SPIN1: variants seen among roughly 807,000 people sequenced by gnomAD.
SPIN1 encodes the protein spindlin 1.
In SPIN1, 3 loss-of-function variants were observed where a neutral mutation model predicts 26.0. The observed-to-expected ratio is 0.12, with a 90% CI of 0.05 to 0.30. The LOEUF (loss-of-function observed/expected upper bound fraction) is 0.30, where lower values mean the gene tolerates loss of function less well. Among genes scored for constraint, SPIN1 ranks in the 10% least tolerant of loss-of-function variants. The pLI is 1.00. For missense variants in SPIN1, 126 were observed against 333.4 expected (o/e 0.38, Z 4.84); for synonymous variants, 101 against 116.5 (o/e 0.87, Z 0.86).
intron 5 of SPIN1, among the ~76,000 whole-genome samples, chr9:88,469,871 T>A (rs1030636063): frequency 6.6e-6 from 1 of 152,244 alleles, no homozygotes; most frequent in African/African-American, 2.4e-5. Context: ...TGTGCATTTC[T>A]GTACTTTTTA....
At chr9:88,406,094 C>T (rs1334695612) in intron 1 of SPIN1, among the ~76,000 whole-genome samples, 1 of 151,428 alleles carries the variant, frequency 6.6e-6, no homozygotes, top group South Asian at 2.1e-4. Context: ...TGGTCTCCAA[C>T]CCTTGGACTC....
chr9:88,445,768 A>G (rs557663955), intron 2 of SPIN1, among the ~76,000 whole-genome samples: 10 of 151,490 alleles, frequency 6.6e-5, no homozygotes, highest in Non-Finnish European at 1.3e-4. Context: ...TAAAATCCTG[A>G]CCTCAAATCA....
intron 1 of SPIN1, among the ~76,000 whole-genome samples, chr9:88,393,131 G>GT (rs1163986874): frequency 8.4e-6 from 1 of 118,998 alleles, no homozygotes; most frequent in African/African-American, 4.1e-5. Context: ...TGTTAAATGT[G>GT]CTTTTTTTTT....
intron 2 of SPIN1, among the ~76,000 whole-genome samples, chr9:88,443,659 C>T (rs1368756126): frequency 6.6e-6 from 1 of 152,196 alleles, no homozygotes; most frequent in Non-Finnish European, 1.5e-5. Context: ...GTCTGGGTAA[C>T]AGGAGCTGTG....
At chr9:88,410,608 T>C in intron 1 of SPIN1, 1 of 942,904 alleles carries the variant, frequency 1.1e-6, no homozygotes, top group Non-Finnish European at 1.7e-6. Flanking sequence ...TGGTTTGGCA[T>C]AGTATTGGCC....
intron 1 of SPIN1, among the ~76,000 whole-genome samples, chr9:88,417,554 C>T (rs895048246): frequency 1.3e-5 from 2 of 151,092 alleles, no homozygotes; most frequent in African/African-American, 4.9e-5. Flanking sequence ...CCCACTGCAA[C>T]CTCTGCCTCT....
intron 2 of SPIN1, among the ~76,000 whole-genome samples, chr9:88,447,401 G>A (rs946495501): frequency 6.6e-6 from 1 of 151,936 alleles, no homozygotes; most frequent in Admixed American, 6.6e-5. Context: ...AATAATTTTT[G>A]TTGGTGTTGA....
chr9:88,412,702 T>G (rs1827475612), intron 1 of SPIN1, among the ~76,000 whole-genome samples: 1 of 152,086 alleles, frequency 6.6e-6, no homozygotes, highest in South Asian at 2.1e-4. Context: ...TTTTTTTTTT[T>G]TAGACAGTCT....
In SPIN1 at chr9:88,475,840, T is replaced by C. The variant is rs1828880571; in HGVS notation, c.*563T>C. The C allele has an allele frequency of 6.6e-6, 1 of 152,064 alleles. No individual in the cohort carries two copies. The highest frequency in any genetic ancestry group is 2.4e-5 in the African/African-American group (1 of 41,360). 9.4% of individuals were successfully genotyped at this position (152,064 alleles called of 1,614,324 possible). A position where few individuals can be genotyped will look rare whatever the true frequency, so the allele number is the denominator to read the frequency against. On this transcript the variant is annotated 3_prime_UTR_variant, in exon 6 of 6. Transcript: ENST00000375859. ...AGGAGTGCTTTACCCAAGTCAGTCATGGATATGATATCACTGCTCTTTATT... is the reference window on the plus strand; with the variant it reads ...AGGAGTGCTTTACCCAAGTCAGTCACGGATATGATATCACTGCTCTTTATT...
chr9:88,432,632 T>C (rs1827904754), intron 2 of SPIN1, among the ~76,000 whole-genome samples: 1 of 151,460 alleles, frequency 6.6e-6, no homozygotes, highest in Admixed American at 6.6e-5. Flanking sequence ...TACAGGCGCA[T>C]GCCACCATGC....
intron 1 of SPIN1, among the ~76,000 whole-genome samples, chr9:88,406,470 T>A (rs960556015): frequency 1.3e-5 from 2 of 152,008 alleles, no homozygotes; most frequent in African/African-American, 2.4e-5. Context: ...TTTTTTGTAT[T>A]TTTAGTAGAG....
intron 2 of SPIN1, among the ~76,000 whole-genome samples, chr9:88,443,135 C>CA (rs75387195): frequency 1.9e-4 from 26 of 139,242 alleles, no homozygotes; most frequent in South Asian, 1.3e-3. Flanking sequence ...AAAAAAAAAA[C>CA]AAAAAAAAAC....
At chr9:88,438,207 T>G (rs1482179441) in intron 2 of SPIN1, among the ~76,000 whole-genome samples, 1 of 152,166 alleles carries the variant, frequency 6.6e-6, no homozygotes, top group Non-Finnish European at 1.5e-5. Context: ...TGCTGTAAAT[T>G]TCTCTGTAAG....
intron 1 of SPIN1, among the ~76,000 whole-genome samples, chr9:88,408,267 C>T (rs531553214): frequency 6.9e-6 from 1 of 145,024 alleles, no homozygotes; most frequent in Admixed American, 6.9e-5. Flanking sequence ...TTTACCCCCT[C>T]CCCCCACCTT....
chr9:88,449,592 TTGTG>T (rs1828318367), intron 3 of SPIN1, among the ~76,000 whole-genome samples: 1 of 152,240 alleles, frequency 6.6e-6, no homozygotes, highest in Non-Finnish European at 1.5e-5. Context: ...TAATTTTTTT[TTGTG>T]TGTGACATAG....
At chr9:88,413,424 C>T (rs970422701) in intron 1 of SPIN1, among the ~76,000 whole-genome samples, 7 of 151,608 alleles carry the variant, frequency 4.6e-5, no homozygotes, top group Non-Finnish European at 5.9e-5. Flanking sequence ...CCCTGTATCG[C>T]CCAGGCTGGA....
intron 3 of SPIN1, among the ~76,000 whole-genome samples, chr9:88,449,260 A>G (rs917668087): frequency 1.1e-4 from 16 of 152,004 alleles, no homozygotes; most frequent in African/African-American, 3.9e-4. Flanking sequence ...TAAGTGTGGC[A>G]GGTGCATGGT....
chr9:88,425,250 T>G (rs553550473), intron 1 of SPIN1, among the ~76,000 whole-genome samples: 13 of 152,232 alleles, frequency 8.5e-5, no homozygotes, highest in African/African-American at 3.1e-4. Flanking sequence ...ATGTGGCAGC[T>G]GGATAGGCTC....
At chr9:88,393,247 C>T (rs1383251520) in intron 1 of SPIN1, among the ~76,000 whole-genome samples, 5 of 149,586 alleles carry the variant, frequency 3.3e-5, no homozygotes, top group Non-Finnish European at 7.4e-5. Context: ...CATCTTTTTA[C>T]CATTTGAGAT....
Sources: allele counts gnomAD v4.1 joint callset (sites outside exome capture counted in the v4.1 genomes callset), GRCh38; gene constraint gnomAD v4.1.1; transcripts MANE v1.5; gene names NCBI Gene and HGNC (gene_info 2026-07-23, HGNC 2026-07-21).